CHST8: variants seen among roughly 807,000 people sequenced by gnomAD.
CHST8 encodes the protein carbohydrate sulfotransferase 8.
A neutral mutation model predicts 15.0 loss-of-function variants in CHST8; 10 were observed. That is an observed-to-expected ratio of 0.67 (90% CI 0.41 to 1.13). The LOEUF (loss-of-function observed/expected upper bound fraction) is 1.13, where lower values mean the gene tolerates loss of function less well. Among genes scored for constraint, CHST8 ranks in the 50% most tolerant of loss-of-function variants. The pLI, the probability that CHST8 is intolerant of heterozygous loss-of-function variation, is 0.00. For synonymous variants in CHST8, 259 were observed against 256.6 expected, an observed-to-expected ratio of 1.01 and a Z score of -0.09; for missense variants, 634 against 608.2, an observed-to-expected ratio of 1.04 and a Z score of -0.45.
intron 3 of CHST8, among the ~76,000 whole-genome samples, chr19:33,706,603 G>A (rs1973452749): frequency 6.6e-6 from 1 of 152,066 alleles, no homozygotes; most frequent in East Asian, 1.9e-4. Context: ...CACAGGATTG[G>A]GTGACAAATT....
chr19:33,656,339 C>T (rs767391336), intron 1 of CHST8, among the ~76,000 whole-genome samples: 5 of 151,994 alleles, frequency 3.3e-5, no homozygotes, highest in Non-Finnish European at 5.9e-5. Flanking sequence ...ACTGTAACAT[C>T]CCATCAGTTA....
At chr19:33,708,155 T>A (rs1029505279) in intron 3 of CHST8, among the ~76,000 whole-genome samples, 1 of 152,258 alleles carries the variant, frequency 6.6e-6, no homozygotes, top group Non-Finnish European at 1.5e-5. Flanking sequence ...ATTATTTGAC[T>A]TGCAAATAAC....
At chr19:33,730,601 C>T (rs562258483) in intron 3 of CHST8, among the ~76,000 whole-genome samples, 4 of 152,214 alleles carry the variant, frequency 2.6e-5, no homozygotes, top group East Asian at 1.9e-4. Context: ...TTGGATCTCA[C>T]GCAAGAAAGA....
chr19:33,749,689 C>T (rs1276310866), intron 3 of CHST8, among the ~76,000 whole-genome samples: 1 of 152,098 alleles, frequency 6.6e-6, no homozygotes, highest in Non-Finnish European at 1.5e-5. Flanking sequence ...GCTACTCACC[C>T]ACCTCCCTCC....
At chr19:33,680,339 T>G (rs1972870084) in intron 2 of CHST8, among the ~76,000 whole-genome samples, 1 of 152,338 alleles carries the variant, frequency 6.6e-6, no homozygotes, top group African/African-American at 2.4e-5. Flanking sequence ...CTCGAGCAGG[T>G]GTTCCTAACC....
At chr19:33,699,582 C>T (rs771145922) in intron 3 of CHST8, among the ~76,000 whole-genome samples, 7 of 152,044 alleles carry the variant, frequency 4.6e-5, no homozygotes, top group African/African-American at 1.2e-4. Flanking sequence ...GGTCTCCCTC[C>T]GCAGCACGTG....
chr19:33,700,631 G>A (rs993435538), intron 3 of CHST8, among the ~76,000 whole-genome samples: 2 of 152,204 alleles, frequency 1.3e-5, no homozygotes, highest in Non-Finnish European at 2.9e-5. Flanking sequence ...GCGTGGCTCT[G>A]GAAGTCCTGC....
intron 3 of CHST8, among the ~76,000 whole-genome samples, chr19:33,762,007 G>A (rs1260733049): frequency 6.6e-6 from 1 of 152,180 alleles, no homozygotes; most frequent in Non-Finnish European, 1.5e-5. Flanking sequence ...CACACAGGAA[G>A]CAGGCACCTG....
intron 1 of CHST8, among the ~76,000 whole-genome samples, chr19:33,655,337 T>G (rs1016715495): frequency 3.9e-5 from 6 of 152,178 alleles, no homozygotes; most frequent in African/African-American, 1.4e-4. Flanking sequence ...GCGCCCAGCC[T>G]TCCATGTCCT....
intron 3 of CHST8, among the ~76,000 whole-genome samples, chr19:33,754,989 C>T (rs949490891): frequency 6.6e-6 from 1 of 152,206 alleles, no homozygotes; most frequent in Non-Finnish European, 1.5e-5. Context: ...AGCAGCTCAG[C>T]CCTGCAGAGC....
chr19:33,629,201 G>T (rs1484055567), intron 1 of CHST8, among the ~76,000 whole-genome samples: 1 of 152,200 alleles, frequency 6.6e-6, no homozygotes, highest in Non-Finnish European at 1.5e-5. Context: ...ACCCACTGTG[G>T]CTCGGATGCC....
chr19:33,657,150 C>T (rs928048509), intron 1 of CHST8, among the ~76,000 whole-genome samples: 34 of 147,836 alleles, frequency 2.3e-4, no homozygotes, highest in Admixed American at 1.4e-3. Context: ...CACACACACA[C>T]ACACACAAAC....
At chr19:33,700,911 T>C (rs1208137321) in intron 3 of CHST8, among the ~76,000 whole-genome samples, 1 of 152,168 alleles carries the variant, frequency 6.6e-6, no homozygotes, top group Non-Finnish European at 1.5e-5. Flanking sequence ...GATGGAGGGA[T>C]GGACATGGAG....
chr19:33,656,056 G>T (rs530442916), intron 1 of CHST8, among the ~76,000 whole-genome samples: 16 of 152,140 alleles, frequency 1.1e-4, no homozygotes, highest in Admixed American at 1.0e-3. Flanking sequence ...CGTAAGTTTT[G>T]GTATGCATAA....
rs146496789 is a variant in CHST8, at chr19:33,760,527, C to G, written c.131-10886C>G. Among the ~76,000 whole-genome samples the G allele has an allele frequency of 3.2e-3, 484 of 151,576 alleles. 2 individuals are homozygous for G. Among genetic ancestry groups the G allele is most frequent in the Non-Finnish European group, 5.4e-3 (364 of 67,938 alleles). ...TAGAGATGGGGTCTCACTATGTTGT[C>G]CAGGCTGGTCTTAAACTTCTGGCCT... On this transcript the variant is annotated intron_variant, in intron 3 of 4. Transcript: ENST00000650847.
chr19:33,654,196 A>C (rs915454939), intron 1 of CHST8, among the ~76,000 whole-genome samples: 1 of 152,158 alleles, frequency 6.6e-6, no homozygotes, highest in Non-Finnish European at 1.5e-5. Flanking sequence ...AGAGTGTTGA[A>C]ATCTACATGC....
At chr19:33,662,698 GGAA>G (rs1568318783) in intron 1 of CHST8, among the ~76,000 whole-genome samples, 1 of 152,166 alleles carries the variant, frequency 6.6e-6, no homozygotes, top group Non-Finnish European at 1.5e-5. Flanking sequence ...AGGGAGGAGG[GGAA>G]GAAGAGGAGA....
chr19:33,736,471 C>T (rs1335115956), intron 3 of CHST8, among the ~76,000 whole-genome samples: 1 of 152,146 alleles, frequency 6.6e-6, no homozygotes, highest in Non-Finnish European at 1.5e-5. Flanking sequence ...CTCACTTTTG[C>T]AGAGAAGGGA....
At chr19:33,656,314 C>T (rs954582171) in intron 1 of CHST8, among the ~76,000 whole-genome samples, 1 of 151,950 alleles carries the variant, frequency 6.6e-6, no homozygotes, top group African/African-American at 2.4e-5. Context: ...AAAGAAAAAA[C>T]CCATTGCTTA....
Sources: allele counts gnomAD v4.1 joint callset (sites outside exome capture counted in the v4.1 genomes callset), GRCh38; gene constraint gnomAD v4.1.1; transcripts MANE v1.5; gene names NCBI Gene and HGNC (gene_info 2026-07-23, HGNC 2026-07-21).